The following DLG2 variants were observed in gnomAD, a reference collection of about 807,000 sequenced individuals.
The protein encoded by DLG2 is disks large homolog 2.
Under a neutral mutation model 132.5 loss-of-function variants are expected in DLG2, and 45 were observed. The ratio of observed to expected loss-of-function variants is 0.34; its 90% confidence interval spans 0.27 to 0.44. The LOEUF (loss-of-function observed/expected upper bound fraction) is 0.44. DLG2 is among the 20% of genes least tolerant of loss of function. The pLI is 1.00. For synonymous variants in DLG2, 424 were observed against 419.6 expected, an observed-to-expected ratio of 1.01 and a Z score of -0.13; for missense variants, 1,045 against 1,196.9, an observed-to-expected ratio of 0.87 and a Z score of 1.87.
intron 9 of DLG2, among the ~76,000 whole-genome samples, chr11:84,136,080 A>C (rs2094589276): frequency 6.6e-6 from 1 of 152,126 alleles, no homozygotes; most frequent in Admixed American, 6.6e-5. Context: ...CAAGGTGAGA[A>C]TATAAAAGGA....
intron 6 of DLG2, among the ~76,000 whole-genome samples, chr11:84,814,257 G>A (rs989574532): frequency 6.6e-6 from 1 of 152,066 alleles, no homozygotes; most frequent in Non-Finnish European, 1.5e-5. Flanking sequence ...TTGAGCAGTG[G>A]ATGAGCATAC....
At chr11:85,154,785 C>T (rs1025778690) in intron 4 of DLG2, 134 bp from the exon 5 acceptor site, 3 of 547,688 alleles carry the variant, frequency 5.5e-6, no homozygotes, top group Middle Eastern at 5.0e-4. Context: ...TCAATTTTAG[C>T]ATATGAATGT....
At chr11:84,174,014 CTTTTTTT>C (rs11338428) in intron 8 of DLG2, among the ~76,000 whole-genome samples, 11 of 61,218 alleles carry the variant, frequency 1.8e-4, no homozygotes, top group East Asian at 5.3e-4. Flanking sequence ...ACCCCCCGGC[CTTTTTTT>C]TTTTTTTTTT....
At chr11:84,131,761 TG>T (rs1473348527) in intron 9 of DLG2, among the ~76,000 whole-genome samples, 4 of 152,124 alleles carry the variant, frequency 2.6e-5, no homozygotes, top group East Asian at 3.9e-4. Flanking sequence ...CAAACAGTGA[TG>T]TTTTTTCTAA....
chr11:84,397,122 A>G lies in DLG2; in HGVS notation c.519+137448T>C, dbSNP rs542783530. The stretch of plus-strand genomic sequence containing the variant: ...TGATTCTTAACGAATGAATGAAAAA[A>G]TTTAAAGATAAGGAAAACAGGAAAA... On this transcript the variant is annotated intron_variant, in intron 7 of 27. Transcript: ENST00000376104. Among the ~76,000 whole-genome samples the G allele has an allele frequency of 1.7e-4, 26 of 152,246 alleles. No individual in the cohort carries two copies. The South Asian group carries it at 5.4e-3, about 32-fold the overall frequency.
chr11:83,608,401 A>C (rs2059644888), intron 19 of DLG2, among the ~76,000 whole-genome samples: 1 of 152,058 alleles, frequency 6.6e-6, no homozygotes, highest in Non-Finnish European at 1.5e-5. Context: ...AAAAATCTGA[A>C]ATTCAAATTA....
intron 3 of DLG2, among the ~76,000 whole-genome samples, chr11:85,468,278 A>AT (rs1393754390): frequency 5.3e-5 from 8 of 151,752 alleles, no homozygotes; most frequent in East Asian, 1.9e-4. Flanking sequence ...GGATTCATTG[A>AT]TTTTTTGAGG....
intron 8 of DLG2, among the ~76,000 whole-genome samples, chr11:84,203,191 T>C (rs2096619249): frequency 6.6e-6 from 1 of 152,136 alleles, no homozygotes; most frequent in Non-Finnish European, 1.5e-5. Context: ...CTGTTCACAA[T>C]AGCAAAGGCA....
intron 7 of DLG2, chr11:84,437,375 A>C (rs2099003959): frequency 6.6e-6 from 1 of 152,048 alleles, no homozygotes; most frequent in Non-Finnish European, 1.5e-5. Flanking sequence ...TTTCAACCCC[A>C]CTCATTCCAT....
rs113575709 is a variant in DLG2, at chr11:84,569,587, T to C, written c.358-34856A>G. ...TCCTAGAGATGAAGAATATAATGAC[T>C]AAACTGAAAAATTCATTATAAAGTC... On this transcript the variant is annotated intron_variant, in intron 6 of 27. Coordinates refer to ENST00000376104, the MANE Select transcript of DLG2 (RefSeq NM_001142699.3). 2.3e-4 allele frequency among the ~76,000 whole-genome samples: 35 copies of C among 152,244 alleles called. 1 individual carries two copies. Among genetic ancestry groups the C allele is most frequent in the Middle Eastern group, 6.8e-3 (2 of 294 alleles).
At chr11:85,575,790 C>T (rs1029306842) in intron 3 of DLG2, among the ~76,000 whole-genome samples, 2 of 152,096 alleles carry the variant, frequency 1.3e-5, no homozygotes, top group African/African-American at 4.8e-5. Context: ...CTCCAGATTA[C>T]CCTTCCTGGC....
intron 6 of DLG2, chr11:84,890,884 T>C (rs1448670338): frequency 6.6e-6 from 1 of 152,256 alleles, no homozygotes; most frequent in East Asian, 1.9e-4. Context: ...ACTCTGCACA[T>C]GTCATGCTGG....
intron 3 of DLG2, among the ~76,000 whole-genome samples, chr11:85,508,746 C>A (rs542905428): frequency 1.3e-5 from 2 of 151,976 alleles, no homozygotes; most frequent in Admixed American, 1.3e-4. Flanking sequence ...TTGTATTTTC[C>A]AAATGTTCTA....
intron 14 of DLG2, among the ~76,000 whole-genome samples, chr11:83,931,791 T>C (rs989883820): frequency 3.9e-5 from 6 of 152,202 alleles, no homozygotes; most frequent in African/African-American, 1.4e-4. Context: ...GAGCAGGCTT[T>C]AATACCTCGG....
At chr11:85,017,554 A>G (rs17147907) in intron 6 of DLG2, among the ~76,000 whole-genome samples, 5,740 of 152,318 alleles carry the variant, frequency 0.038, 166 homozygotes, top group African/African-American at 0.065. Flanking sequence ...AGAGCACACA[A>G]CAGGATCATT....
rs536848723 is a variant in DLG2 at position 84,462,116 on chromosome 11, A to G, written c.519+72454T>C. ...CTAAATGATCCCACGAGTCCTTATTAAGTATATAACTATTATAATTCTATA... is the reference window on the plus strand; with the variant it reads ...CTAAATGATCCCACGAGTCCTTATTGAGTATATAACTATTATAATTCTATA... On this transcript the variant is annotated intron_variant, in intron 7 of 27. Coordinates refer to ENST00000376104, the MANE Select transcript of DLG2 (RefSeq NM_001142699.3). 1.4e-4 allele frequency among the ~76,000 whole-genome samples: 21 copies of G among 151,050 alleles called. 1 individual carries two copies. In the South Asian group the frequency reaches 4.4e-3, roughly 31 times the overall value.
At chr11:85,294,050 T>A (rs1341535881) in intron 3 of DLG2, among the ~76,000 whole-genome samples, 1 of 152,012 alleles carries the variant, frequency 6.6e-6, no homozygotes, top group Non-Finnish European at 1.5e-5. Context: ...AAGACCAGCC[T>A]GGTCAACATG....
rs535428283 is a variant in DLG2, at chr11:85,351,898, T to C, written c.41-66533A>G. On this transcript the variant is annotated intron_variant, in intron 3 of 27. Coordinates refer to ENST00000376104, the MANE Select transcript of DLG2 (RefSeq NM_001142699.3). ...TTTTTGTTGCGTCCCTGTCAGGCTTTGGCATCAGGATGAGGCTGGCCTCAT... is the reference window on the plus strand; with the variant it reads ...TTTTTGTTGCGTCCCTGTCAGGCTTCGGCATCAGGATGAGGCTGGCCTCAT... Among the ~76,000 whole-genome samples the C allele has an allele frequency of 2.0e-5, 3 of 152,308 alleles. No homozygotes were observed. In the East Asian group the frequency reaches 5.8e-4, roughly 29 times the overall value.
intron 7 of DLG2, among the ~76,000 whole-genome samples, chr11:84,448,133 T>C (rs1241483242): frequency 6.6e-6 from 1 of 152,080 alleles, no homozygotes; most frequent in Non-Finnish European, 1.5e-5. Flanking sequence ...AACACAGACA[T>C]TTAAACACCA....
Sources: gnomAD v4.1 joint callset for allele counts (sites outside exome capture counted in the v4.1 genomes callset) on GRCh38, gnomAD v4.1.1 for gene constraint, MANE v1.5 for transcripts, NCBI Gene and HGNC (gene_info 2026-07-23, HGNC 2026-07-21) for gene names.